KARS1: variants seen among roughly 807,000 people sequenced by gnomAD.
The protein encoded by KARS1 is lysine--tRNA ligase.
KARS1 carries 50 observed loss-of-function variants against 63.9 expected under a neutral mutation model. That is an observed-to-expected ratio of 0.78 (90% CI 0.62 to 0.99). KARS1 has a LOEUF of 0.99. Among genes scored for constraint, KARS1 ranks in the 50% least tolerant of loss-of-function variants. The pLI is 0.00. For synonymous variants in KARS1, 320 were observed against 264.6 expected, an observed-to-expected ratio of 1.21 and a Z score of -2.03; for missense variants, 816 against 754.5, an observed-to-expected ratio of 1.08 and a Z score of -0.95.
chr16:75,640,213 T>C lies in KARS1; in HGVS notation c.359A>G (p.His120Arg), dbSNP rs1452604488. The change falls in exon 3 of 14, where the codon CAC (histidine) becomes CGC (arginine). Residue 120 changes from histidine to arginine, a missense_variant. By Grantham distance (29) the His-to-Arg change is conservative (BLOSUM62 0). Transcript: ENST00000302445. ...QKYSHLQPGD[H>R]LTDITLKVAG... ...CACCTTTAAGGTGATGTCAGTCAGG[T>C]GATCCCCAGGCTGCAGGTGACTATA... 1 of 1,614,032 alleles carries C rather than the reference T, an allele frequency of 6.2e-7. No individual in the cohort carries two copies.
intron 3 of KARS1, among the ~76,000 whole-genome samples, chr16:75,638,384 G>A (rs543377066): frequency 8.6e-5 from 13 of 151,372 alleles, no homozygotes; most frequent in South Asian, 8.4e-4. Flanking sequence ...GTCCCTCCCC[G>A]GTCCCCCCGC....
At chr16:75,642,185 CTTTTTTTTTTTTTTTTTTTTTTT>C (rs148991591) in intron 1 of KARS1, among the ~76,000 whole-genome samples, 1 of 63,170 alleles carries the variant, frequency 1.6e-5, no homozygotes, top group Non-Finnish European at 3.6e-5. Context: ...AGTGCCAGGT[CTTTTTTTTTTTTTTTTTTTTTTT>C]TTTTTTTTTT....
intron 10 of KARS1, among the ~76,000 whole-genome samples, 157 bp downstream of exon 10, chr16:75,631,011 T>A (rs1454616472): frequency 6.6e-6 from 1 of 152,218 alleles, no homozygotes; most frequent in African/African-American, 2.4e-5. Flanking sequence ...GAGCTTAGTA[T>A]GACAGTTAAA....
intron 4 of KARS1, 59 bp from the exon 5 acceptor site, chr16:75,636,157 T>C (rs1332431349): frequency 2.8e-6 from 3 of 1,074,536 alleles, no homozygotes; most frequent in African/African-American, 1.6e-5. Flanking sequence ...TGACCACTGG[T>C]CTCCTCTGGA....
chr16:75,633,897 A>C (rs773441233), intron 7 of KARS1: 35 of 407,050 alleles, frequency 8.6e-5, no homozygotes, highest in Non-Finnish European at 1.5e-4. Context: ...AATCCACGTA[A>C]GACTTTATCT....
chr16:75,628,838 T>G (rs998163123), intron 12 of KARS1, 126 bp from the exon 13 acceptor site: 1 of 987,086 alleles, frequency 1.0e-6, no homozygotes, highest in African/African-American at 1.6e-5. Context: ...ACTCAGGACT[T>G]GCTGGGAATT....
intron 2 of KARS1, 103 bp downstream of exon 2, chr16:75,641,461 C>T: frequency 2.1e-6 from 2 of 967,228 alleles, no homozygotes; most frequent in South Asian, 1.4e-5. Flanking sequence ...GCAGTGACCT[C>T]AGGCGTACTG....
intron 1 of KARS1, among the ~76,000 whole-genome samples, chr16:75,646,847 T>A (rs1213261284): frequency 1.8e-4 from 27 of 152,042 alleles, no homozygotes. Context: ...CTATGTACCA[T>A]CTTCCTAGCA....
chr16:75,637,251 C>A (rs1406641662), intron 3 of KARS1, among the ~76,000 whole-genome samples: 2 of 151,706 alleles, frequency 1.3e-5, no homozygotes, highest in African/African-American at 4.8e-5. Flanking sequence ...TGCCAAGGAC[C>A]CCCAAATATA....
chr16:75,641,554 G>C lies in KARS1; in HGVS notation c.222+10C>G, dbSNP rs374496494. On this transcript the variant is annotated intron_variant, in intron 2 of 13. Coordinates refer to ENST00000302445, the MANE Select transcript of KARS1 (RefSeq NM_005548.3). ...TGTGCCCAACCATGCTGGTGGCCCA[G>C]GGAACTCACATTTGGGTCCACGCTC... 2 of 1,612,084 alleles carry C rather than the reference G, an allele frequency of 1.2e-6. No homozygotes were observed. The highest frequency in any genetic ancestry group is 2.2e-5 in the South Asian group (2 of 90,976).
At chr16:75,645,843 CAA>C (rs11363202) in intron 1 of KARS1, among the ~76,000 whole-genome samples, 54 of 82,046 alleles carry the variant, frequency 6.6e-4, no homozygotes, top group African/African-American at 1.5e-3. Flanking sequence ...ACTCTGCCTC[CAA>C]AAAAAAAAAA....
chr16:75,633,587 G>A (rs1175550301), intron 7 of KARS1, among the ~76,000 whole-genome samples: 7 of 147,852 alleles, frequency 4.7e-5, no homozygotes, highest in African/African-American at 1.3e-4. Flanking sequence ...GCAGGATCTC[G>A]GCTCACTGCA....
At chr16:75,628,741 AC>A (rs2082078706) in intron 12 of KARS1, 29 bp from the exon 13 acceptor site, 1 of 1,613,528 alleles carries the variant, frequency 6.2e-7, no homozygotes, top group Non-Finnish European at 8.5e-7. Context: ...CCAAAAGGTG[AC>A]CTTCTTCTAA....
In KARS1 at chr16:75,629,536, C is replaced by G; in HGVS notation, c.1430G>C (p.Arg477Pro). 1.2e-6 allele frequency: 2 copies of G among 1,613,936 alleles called. No homozygotes were observed. Among genetic ancestry groups the G allele is most frequent in the Non-Finnish European group, 1.7e-6 (2 of 1,179,868 alleles). Residue 477 changes from arginine to proline, a missense_variant, in exon 12 of 14, where the codon CGC (arginine) becomes CCC (proline). Coordinates refer to ENST00000302445, the MANE Select transcript of KARS1 (RefSeq NM_005548.3). ...QIMSPLAKWH[R>P]SKEGLTERFE... ...GCGCTCAGTCAGACCCTCTTTAGAG[C>G]GGTGCCTAGGGACAGGAGACCAAAG...
At chr16:75,646,927 C>T (rs1398093924) in intron 1 of KARS1, among the ~76,000 whole-genome samples, 1 of 152,106 alleles carries the variant, frequency 6.6e-6, no homozygotes, top group Non-Finnish European at 1.5e-5. Context: ...ATAAGACAGC[C>T]AGTTAAAGGG....
chr16:75,636,083 T>C lies in KARS1; in HGVS notation c.498A>G (p.Glu166=), dbSNP rs376047196. 5.3e-5 allele frequency: 84 copies of C among 1,581,042 alleles called. 1 individual carries two copies. Among genetic ancestry groups the C allele is most frequent in the Non-Finnish European group, 6.7e-5 (77 of 1,150,432 alleles). Residue 166 remains glutamate, a synonymous_variant, in exon 5 of 14, where the codon GAA becomes GAG. Coordinates refer to ENST00000302445, the MANE Select transcript of KARS1 (RefSeq NM_005548.3). ...VMANSRNYKS[E]EEFIHINNKL... The stretch of plus-strand genomic sequence containing the variant: ...TGTTATTAATATGAATAAATTCTTC[T>C]TCTGATTTATAATTTCTGAGTGAAA...
intron 6 of KARS1, among the ~76,000 whole-genome samples, chr16:75,634,735 C>T (rs184087941): frequency 3.7e-4 from 56 of 152,266 alleles, no homozygotes; most frequent in Non-Finnish European, 4.9e-4. Flanking sequence ...GCCACCACGC[C>T]TGGCTAATTT....
chr16:75,645,400 A>G (rs2082269681), intron 1 of KARS1, among the ~76,000 whole-genome samples: 1 of 152,208 alleles, frequency 6.6e-6, no homozygotes, highest in African/African-American at 2.4e-5. Flanking sequence ...AGTGCATTTA[A>G]TTACTAGGAC....
chr16:75,629,207 C>T (rs1306007384), intron 12 of KARS1, among the ~76,000 whole-genome samples: 3 of 152,198 alleles, frequency 2.0e-5, no homozygotes, highest in South Asian at 4.1e-4. Context: ...GCTTTCCATA[C>T]GGAGATTAAT....
Sources: allele counts gnomAD v4.1 joint callset (sites outside exome capture counted in the v4.1 genomes callset), GRCh38; gene constraint gnomAD v4.1.1; transcripts MANE v1.5; gene names NCBI Gene and HGNC (gene_info 2026-07-23, HGNC 2026-07-21).